The following RIT2 variants were observed in gnomAD, a reference collection of about 807,000 sequenced individuals.
The protein encoded by RIT2 is Ras like without CAAX 2, also known as GTP-binding protein Rit2.
In RIT2, 24 loss-of-function variants were observed where a neutral mutation model predicts 23.7. The ratio of observed to expected loss-of-function variants is 1.01; its 90% confidence interval spans 0.73 to 1.43. RIT2 has a LOEUF of 1.43. RIT2 is among the 40% of genes most tolerant of loss of function. RIT2 has a pLI of 0.00. For missense variants in RIT2, 236 were observed against 266.9 expected, an observed-to-expected ratio of 0.88 and a Z score of 0.81; for synonymous variants, 107 against 91.1, an observed-to-expected ratio of 1.17 and a Z score of -0.99.
At chr18:42,933,680 G>A (rs1195133848) in intron 3 of RIT2, among the ~76,000 whole-genome samples, 3 of 152,056 alleles carry the variant, frequency 2.0e-5, no homozygotes, top group African/African-American at 7.2e-5. Flanking sequence ...CACCATGATC[G>A]AAAACTTTGT....
At chr18:42,925,940 C>CATGTACCA (rs1426803503) in intron 3 of RIT2, among the ~76,000 whole-genome samples, 2 of 151,662 alleles carry the variant, frequency 1.3e-5, no homozygotes, top group African/African-American at 4.8e-5. Flanking sequence ...TCTTTTTATA[C>CATGTACCA]ATGTACCATA....
intron 4 of RIT2, among the ~76,000 whole-genome samples, chr18:42,868,854 T>C (rs1432145888): frequency 6.6e-6 from 1 of 152,158 alleles, no homozygotes; most frequent in Non-Finnish European, 1.5e-5. Flanking sequence ...CAATGGCCTT[T>C]TTTTCCCCAG....
At chr18:43,100,235 T>C (rs1314738600) in intron 1 of RIT2, among the ~76,000 whole-genome samples, 1 of 152,004 alleles carries the variant, frequency 6.6e-6, no homozygotes, top group East Asian at 1.9e-4. Context: ...TTGAAAAAGA[T>C]AGAGTAAGCC....
At chr18:42,888,529 T>A (rs569403698) in intron 4 of RIT2, among the ~76,000 whole-genome samples, 18 of 151,884 alleles carry the variant, frequency 1.2e-4, no homozygotes, top group South Asian at 4.2e-4. Context: ...GTTTTTTTTT[T>A]ATTTTTTTTC....
intron 1 of RIT2, among the ~76,000 whole-genome samples, chr18:43,104,949 T>C (rs1441655228): frequency 6.6e-6 from 1 of 152,136 alleles, no homozygotes; most frequent in Non-Finnish European, 1.5e-5. Context: ...TCAAAATTTA[T>C]TAAAACAATA....
chr18:42,794,539 TAAGC>T (rs980701384), intron 4 of RIT2, among the ~76,000 whole-genome samples: 40 of 152,214 alleles, frequency 2.6e-4, no homozygotes, highest in African/African-American at 9.6e-4. Flanking sequence ...GCTAGAAACA[TAAGC>T]AAACATGAGC....
rs75393139 is a variant in RIT2 at position 43,058,603 on chromosome 18, C to T, written c.104-24736G>A. 3.4e-3 allele frequency among the ~76,000 whole-genome samples: 510 copies of T among 152,176 alleles called. 2 individuals carry two copies. The highest frequency in any genetic ancestry group is 0.012 in the African/African-American group (488 of 41,538). On this transcript the variant is annotated intron_variant, in intron 1 of 4. Coordinates refer to ENST00000326695, the MANE Select transcript of RIT2 (RefSeq NM_002930.4). ...TCAAGTCTATAAAAAATAACTGTTT[C>T]TCGTCAGGTGCAGTGTCTCATGCCT...
At chr18:42,808,609 G>T (rs1028997673) in intron 4 of RIT2, among the ~76,000 whole-genome samples, 1 of 151,988 alleles carries the variant, frequency 6.6e-6, no homozygotes, top group Admixed American at 6.6e-5. Flanking sequence ...AGAGGGAAAG[G>T]CATAGTTAAC....
At chr18:42,931,976 C>T (rs1024937645) in intron 3 of RIT2, among the ~76,000 whole-genome samples, 7 of 152,210 alleles carry the variant, frequency 4.6e-5, no homozygotes, top group Non-Finnish European at 7.4e-5. Flanking sequence ...CTTCACCATC[C>T]ACAATTAAAT....
chr18:43,098,015 T>C (rs1000198859), intron 1 of RIT2, among the ~76,000 whole-genome samples: 1 of 151,974 alleles, frequency 6.6e-6, no homozygotes, highest in African/African-American at 2.4e-5. Context: ...AAGTGCTAGC[T>C]ATAAAACTTG....
At chr18:42,808,123 G>A (rs1905736079) in intron 4 of RIT2, among the ~76,000 whole-genome samples, 1 of 152,162 alleles carries the variant, frequency 6.6e-6, no homozygotes, top group Non-Finnish European at 1.5e-5. Flanking sequence ...ATCTTTCAAG[G>A]TTGTTTTGCT....
intron 1 of RIT2, among the ~76,000 whole-genome samples, chr18:43,045,305 G>A (rs1912220676): frequency 6.6e-6 from 1 of 152,080 alleles, no homozygotes; most frequent in African/African-American, 2.4e-5. Context: ...TTTAAAATGT[G>A]TATAATTTGT....
intron 1 of RIT2, among the ~76,000 whole-genome samples, chr18:43,097,202 T>C (rs553777484): frequency 6.6e-6 from 1 of 151,978 alleles, no homozygotes; most frequent in South Asian, 2.1e-4. Flanking sequence ...ATCTGAAATG[T>C]GGTGTGAGCA....
chr18:42,822,302 C>A (rs1906174478), intron 4 of RIT2, among the ~76,000 whole-genome samples: 1 of 151,990 alleles, frequency 6.6e-6, no homozygotes, highest in African/African-American at 2.4e-5. Flanking sequence ...TATAAATGGC[C>A]CTAATTATAA....
chr18:42,938,913 T>C (rs1420394006), intron 3 of RIT2, among the ~76,000 whole-genome samples: 2 of 151,994 alleles, frequency 1.3e-5, no homozygotes, highest in Non-Finnish European at 2.9e-5. Flanking sequence ...TAATTTTTCA[T>C]TTTTTAATTT....
chr18:43,086,591 T>G (rs1374373364), intron 1 of RIT2, among the ~76,000 whole-genome samples: 1 of 152,086 alleles, frequency 6.6e-6, no homozygotes, highest in Non-Finnish European at 1.5e-5. Flanking sequence ...CATTTTAATA[T>G]GAAGGCTGGG....
rs570492299 is a variant in RIT2, at chr18:42,747,272, A to T, written c.427-3552T>A. The stretch of plus-strand genomic sequence containing the variant: ...CAACAGCGACCAAGCTGATAATCAA[A>T]TCAATAAGATAACCTGTTTTACAAT... On this transcript the variant is annotated intron_variant, in intron 4 of 4. Coordinates refer to ENST00000326695, the MANE Select transcript of RIT2 (RefSeq NM_002930.4). Among the ~76,000 whole-genome samples the T allele has an allele frequency of 2.6e-5, 4 of 152,142 alleles. No individual in the cohort carries two copies. The South Asian group carries it at 8.3e-4, about 32-fold the overall frequency.
chr18:42,998,447 A>G (rs1911035038), intron 2 of RIT2, among the ~76,000 whole-genome samples: 1 of 152,070 alleles, frequency 6.6e-6, no homozygotes, highest in Admixed American at 6.6e-5. Context: ...AAAGTGCATA[A>G]TACTCTTTTT....
intron 4 of RIT2, among the ~76,000 whole-genome samples, chr18:42,858,872 C>A (rs1273813909): frequency 6.6e-6 from 1 of 152,124 alleles, no homozygotes; most frequent in Non-Finnish European, 1.5e-5. Flanking sequence ...CATGTTGTAC[C>A]ATTTATCAGT....
Sources: allele counts gnomAD v4.1 joint callset (sites outside exome capture counted in the v4.1 genomes callset), GRCh38; gene constraint gnomAD v4.1.1; transcripts MANE v1.5; gene names NCBI Gene and HGNC (gene_info 2026-07-23, HGNC 2026-07-21).